Variants in PDK3 observed in about 807,000 individuals in gnomAD.
The protein encoded by PDK3 is pyruvate dehydrogenase kinase 3, also known as pyruvate dehydrogenase kinase, isozyme 3.
A neutral mutation model predicts 32.0 loss-of-function variants in PDK3; 12 were observed. The observed-to-expected ratio is 0.37, with a 90% CI of 0.24 to 0.61. The LOEUF is 0.61. Ranked by LOEUF, PDK3 falls within the 20% of genes least tolerant of loss-of-function variation. The pLI is 0.65. For missense variants in PDK3, 188 were observed against 316.9 expected (o/e 0.59, Z 3.09); for synonymous variants, 122 against 116.3 (o/e 1.05, Z -0.31).
chrX:24,508,726 T>C (rs776159137), intron 5 of PDK3, among the ~76,000 whole-genome samples: 1 of 111,581 alleles, frequency 9.0e-6, no homozygotes, highest in South Asian at 3.7e-4. Context: ...TTTCTTTTTT[T>C]TTTGGAGATG....
intron 6 of PDK3, among the ~76,000 whole-genome samples, chrX:24,523,306 A>T (rs1251687730): frequency 2.7e-5 from 3 of 112,634 alleles, no homozygotes; most frequent in Non-Finnish European, 5.6e-5. Flanking sequence ...CATCACATCA[A>T]GGGTTACATT....
chrX:24,503,625 C>G lies in PDK3; in HGVS notation c.505+114C>G, dbSNP rs770455060. ...ATTTTTGGTTGTAGAAATTTCATTT[C>G]TAGTTCGGTTTTTCCTAAGTGAATC... On this transcript the variant is annotated intron_variant, in intron 4 of 10. Coordinates refer to ENST00000379162, the MANE Select transcript of PDK3 (RefSeq NM_005391.5). 24 of 523,752 alleles carry G rather than the reference C, an allele frequency of 4.6e-5. No individual in the cohort carries two copies. The South Asian group carries it at 1.1e-3, about 24-fold the overall frequency. The allele number at this position is 523,752 out of a possible 1,213,427, so 43.2% of individuals were successfully genotyped here. A position where few individuals can be genotyped will look rare whatever the true frequency, so the allele number is the denominator to read the frequency against.
downstream of PDK3, among the ~76,000 whole-genome samples, chrX:24,537,693 G>T (rs1159044490): frequency 9.0e-6 from 1 of 111,510 alleles, no homozygotes; most frequent in Non-Finnish European, 1.9e-5. Context: ...GCAACAGAAA[G>T]ATATTTGTAC....
At position 24,476,226 on chromosome X, in the gene PDK3, G is replaced by A. The variant is rs774046212; in HGVS notation, c.106+10665G>A. ...CTGTTTTTTAAAAAGAGTACAGTTCGTCCTCCATATCTGTGGGTTCCACAT... is the reference window on the plus strand; with the variant it reads ...CTGTTTTTTAAAAAGAGTACAGTTCATCCTCCATATCTGTGGGTTCCACAT... On this transcript the variant is annotated intron_variant, in intron 1 of 10. Transcript: ENST00000379162. Among the ~76,000 whole-genome samples, 26 of 108,783 alleles carry A rather than the reference G, an allele frequency of 2.4e-4. 1 individual carries two copies. In the South Asian group the frequency reaches 9.0e-3, roughly 38 times the overall value. 94.5% of individuals were successfully genotyped at this position (108,783 alleles called of 115,157 possible). A position where few individuals can be genotyped will look rare whatever the true frequency, so the allele number is the denominator to read the frequency against.
intron 1 of PDK3, among the ~76,000 whole-genome samples, chrX:24,481,559 T>C (rs7054059): frequency 0.44 from 48,692 of 110,488 alleles, 8,413 homozygotes; most frequent in African/African-American, 0.66. Flanking sequence ...GAGTTATGAT[T>C]TTCAGTGTTG....
exon 12 of PDK3, among the ~76,000 whole-genome samples, chrX:24,543,605 A>T (rs1030520316): frequency 1.4e-4 from 16 of 110,631 alleles, no homozygotes; most frequent in South Asian, 7.8e-4. Flanking sequence ...TTATGCCACC[A>T]TGCCTGGCTA....
At chrX:24,476,209 T>A (rs888867742) in intron 1 of PDK3, among the ~76,000 whole-genome samples, 3 of 111,038 alleles carry the variant, frequency 2.7e-5, no homozygotes, top group East Asian at 5.6e-4. Context: ...GACTGTTTTT[T>A]AAAAAGAGTA....
intron 5 of PDK3, among the ~76,000 whole-genome samples, chrX:24,506,404 G>T (rs936691046): frequency 8.9e-6 from 1 of 112,191 alleles, no homozygotes; most frequent in African/African-American, 3.2e-5. Flanking sequence ...CCTTAGCTCA[G>T]TGCCTTTTAT....
chrX:24,527,887 G>T (rs774799083), intron 8 of PDK3, among the ~76,000 whole-genome samples, 189 bp from the exon 9 acceptor site: 58 of 111,901 alleles, frequency 5.2e-4, no homozygotes, highest in Non-Finnish European at 8.6e-4. Flanking sequence ...AAGCCTGTTG[G>T]ATCCCACTGT....
intron 1 of PDK3, among the ~76,000 whole-genome samples, chrX:24,493,773 G>A (rs1371000076): frequency 8.9e-6 from 1 of 112,283 alleles, no homozygotes; most frequent in African/African-American, 3.2e-5. Flanking sequence ...CAGAAGTGAA[G>A]AAGCTTACCA....
At chrX:24,524,608 T>A (rs1463585342) in intron 6 of PDK3, among the ~76,000 whole-genome samples, 1 of 111,794 alleles carries the variant, frequency 8.9e-6, no homozygotes, top group Non-Finnish European at 1.9e-5. Context: ...TGATCAATAT[T>A]TACATAGTTA....
chrX:24,536,719 T>TA (rs768276544), downstream of PDK3, among the ~76,000 whole-genome samples: 11 of 111,390 alleles, frequency 9.9e-5, no homozygotes, highest in Non-Finnish European at 1.9e-4. Flanking sequence ...CTTTTTTTTT[T>TA]ACATCTATAT....
In PDK3 at chrX:24,465,305, T is replaced by G. The variant is rs868457528; in HGVS notation, c.-151T>G. The G allele has an allele frequency of 2.0e-5, 7 of 353,223 alleles. No homozygotes were observed. The highest frequency in any genetic ancestry group is 2.9e-5 in the Non-Finnish European group (6 of 209,652). 29.1% of individuals were successfully genotyped at this position (353,223 alleles called of 1,213,427 possible). A position where few individuals can be genotyped will look rare whatever the true frequency, so the allele number is the denominator to read the frequency against. On this transcript the variant is annotated 5_prime_UTR_variant, in exon 1 of 11. Transcript: ENST00000379162. ...CCCGCCGCTGTCCTGGAGCTGCTGC[T>G]GCTGCTGCGGCGGCTGCACCGGCGG...
At chrX:24,544,319 G>A (rs1397619829) in exon 12 of PDK3, among the ~76,000 whole-genome samples, 1 of 111,025 alleles carries the variant, frequency 9.0e-6, no homozygotes. Flanking sequence ...CAGGAACATG[G>A]TGGGTTTGTA....
exon 12 of PDK3, among the ~76,000 whole-genome samples, chrX:24,543,896 C>T (rs1411080725): frequency 4.5e-5 from 5 of 111,623 alleles, no homozygotes; most frequent in African/African-American, 1.6e-4. Context: ...CTATCCTTTG[C>T]ATCTTTCATT....
chrX:24,530,618 C>T (rs936402226), intron 9 of PDK3, among the ~76,000 whole-genome samples: 1 of 110,933 alleles, frequency 9.0e-6, no homozygotes, highest in Non-Finnish European at 1.9e-5. Flanking sequence ...CTTCCTTAAC[C>T]TTGTTCATAG....
chrX:24,495,883 A>C (rs151107563), intron 2 of PDK3, among the ~76,000 whole-genome samples: 1,608 of 112,123 alleles, frequency 0.014, 18 homozygotes, highest in Non-Finnish European at 0.022. Context: ...AGGTGTGGTC[A>C]AAGGCGGCTC....
chrX:24,504,884 A>G (rs1602115187), intron 4 of PDK3, among the ~76,000 whole-genome samples: 1 of 111,813 alleles, frequency 8.9e-6, no homozygotes, highest in East Asian at 2.8e-4. Context: ...GAAGGTGGGT[A>G]TACTTGACTA....
At chrX:24,512,652 A>T (rs1278988721) in intron 5 of PDK3, among the ~76,000 whole-genome samples, 3 of 111,367 alleles carry the variant, frequency 2.7e-5, no homozygotes, top group African/African-American at 6.5e-5. Context: ...GATCCCAGCA[A>T]CTCGGGAGGC....
Sources: allele counts gnomAD v4.1 joint callset (sites outside exome capture counted in the v4.1 genomes callset), GRCh38; gene constraint gnomAD v4.1.1; transcripts MANE v1.5; gene names NCBI Gene and HGNC (gene_info 2026-07-23, HGNC 2026-07-21).